Variants in B3GALNT1 observed in about 807,000 individuals in gnomAD.
B3GALNT1 encodes the protein UDP-GalNAc:beta-1,3-N-acetylgalactosaminyltransferase 1.
B3GALNT1 carries 17 observed loss-of-function variants against 27.3 expected under a neutral mutation model. That is an observed-to-expected ratio of 0.62 (90% CI 0.43 to 0.94). B3GALNT1 has a LOEUF of 0.94. Ranked by LOEUF, B3GALNT1 falls within the 40% of genes least tolerant of loss-of-function variation. The pLI, the probability that B3GALNT1 is intolerant of heterozygous loss-of-function variation, is 0.00. For missense variants in B3GALNT1, 347 were observed against 390.0 expected (o/e 0.89, Z 0.93); for synonymous variants, 141 against 144.0 (o/e 0.98, Z 0.15).
At chr3:161,097,859 T>C (rs1461097766) in intron 4 of B3GALNT1, among the ~76,000 whole-genome samples, 1 of 152,236 alleles carries the variant, frequency 6.6e-6, no homozygotes, top group Non-Finnish European at 1.5e-5. Flanking sequence ...TGATATGGTT[T>C]ACATTTTTCT....
rs1310236925 is a variant in B3GALNT1 at position 161,103,469 on chromosome 3, T to A, written c.-172A>T. ...AAATTAAAGCTTAAGTTTTTTGTTG[T>A]TTTCTGTATTCCATGCTTAATTAAA... On this transcript the variant is annotated 5_prime_UTR_variant, in exon 3 of 5. Transcript: ENST00000320474. 4 of 1,284,556 alleles carry A rather than the reference T, an allele frequency of 3.1e-6. No homozygotes were observed. Among genetic ancestry groups the A allele is most frequent in the Non-Finnish European group, 4.1e-6 (4 of 984,698 alleles). 79.6% of individuals were successfully genotyped at this position (1,284,556 alleles called of 1,614,324 possible). A position where few individuals can be genotyped will look rare whatever the true frequency, so the allele number is the denominator to read the frequency against.
In B3GALNT1 at chr3:161,099,759, G is replaced by A. The variant is rs191920013; in HGVS notation, c.-35+1380C>T. Among the ~76,000 whole-genome samples, 22 of 152,214 alleles carry A rather than the reference G, an allele frequency of 1.4e-4. No homozygotes were observed. The East Asian group carries it at 1.7e-3, about 12-fold the overall frequency. ...CCCAAGTACTTGTGAATGAATGGCA[G>A]TGCTAACAGAAACTCTACAAGTGAA... On this transcript the variant is annotated intron_variant, in intron 4 of 4. Transcript: ENST00000320474.
At chr3:161,104,214 G>T in intron 2 of B3GALNT1, 105 bp downstream of exon 2, 1 of 819,322 alleles carries the variant, frequency 1.2e-6, no homozygotes, top group Non-Finnish European at 1.7e-6. Context: ...ATCGACACAT[G>T]CATACTAAGA....
rs1720652598 is a variant in B3GALNT1 at position 161,084,151 on chromosome 3, C to CA, written c.*1607dup. The CA allele has an allele frequency of 6.6e-6, 1 of 152,148 alleles. No individual in the cohort carries two copies. Among genetic ancestry groups the CA allele is most frequent in the African/African-American group, 2.4e-5 (1 of 41,440 alleles). 9.4% of individuals were successfully genotyped at this position (152,148 alleles called of 1,614,324 possible). A position where few individuals can be genotyped will look rare whatever the true frequency, so the allele number is the denominator to read the frequency against. The stretch of plus-strand genomic sequence containing the variant: ...TGCAGTACATAACTGTAATCTTCTG[C>CA]AAAACCAGTCAAATCTAACCATGCC... On this transcript the variant is annotated 3_prime_UTR_variant, in exon 5 of 5. Transcript: ENST00000320474.
intron 3 of B3GALNT1, among the ~76,000 whole-genome samples, chr3:161,102,686 T>A (rs1732013916): frequency 6.6e-6 from 1 of 152,246 alleles, no homozygotes; most frequent in Non-Finnish European, 1.5e-5. Flanking sequence ...GAGTATCCTG[T>A]TTGATCCCAC....
intron 4 of B3GALNT1, among the ~76,000 whole-genome samples, chr3:161,100,154 G>A (rs1160469038): frequency 3.9e-5 from 6 of 152,154 alleles, no homozygotes; most frequent in Admixed American, 1.3e-4. Flanking sequence ...AACAAACGTC[G>A]AAGGTCCCTT....
chr3:161,104,449 A>G, intron 1 of B3GALNT1, 43 bp from the exon 2 acceptor site: 1 of 942,818 alleles, frequency 1.1e-6, no homozygotes, highest in Non-Finnish European at 1.5e-6. Context: ...AAGCCCTGCA[A>G]ATCTCCCTCC....
intron 4 of B3GALNT1, among the ~76,000 whole-genome samples, chr3:161,100,647 C>A (rs965713234): frequency 6.6e-6 from 1 of 152,102 alleles, no homozygotes; most frequent in Non-Finnish European, 1.5e-5. Flanking sequence ...TTGTGGCATG[C>A]AGAATCTTTT....
chr3:161,091,846 G>A (rs2108289993), intron 4 of B3GALNT1, among the ~76,000 whole-genome samples: 1 of 152,256 alleles, frequency 6.6e-6, no homozygotes, highest in Non-Finnish European at 1.5e-5. Flanking sequence ...GACAGAATAA[G>A]AAAACTGTCA....
rs1027272900 is a variant in B3GALNT1, at chr3:161,084,714, T to G, written c.*1045A>C. On this transcript the variant is annotated 3_prime_UTR_variant, in exon 5 of 5. Coordinates refer to ENST00000320474, the MANE Select transcript of B3GALNT1 (RefSeq NM_003781.4). ...CATAACAGCAGCAGCTCAAACTGAT[T>G]GTTAAAAGGAAAAAACACAGGGCAG... 2.6e-5 allele frequency: 4 copies of G among 152,168 alleles called. No individual in the cohort carries two copies. The highest frequency in any genetic ancestry group is 9.7e-5 in the African/African-American group (4 of 41,442). 9.4% of individuals were successfully genotyped at this position (152,168 alleles called of 1,614,324 possible).
chr3:161,104,979 C>G (rs568613322), intron 1 of B3GALNT1: 1 of 152,526 alleles, frequency 6.6e-6, no homozygotes, highest in Admixed American at 6.5e-5. Flanking sequence ...CACTGCCCCA[C>G]TGGGCCCCTT....
Position 161,084,663 on chromosome 3 carries a change from T to C in B3GALNT1, c.*1096A>G, listed in dbSNP as rs1447123561. ...TTAAATCGGATTTGACTTTACATAT[T>C]AGGGCTTTCATCTTGATGAGAAACT... On this transcript the variant is annotated 3_prime_UTR_variant, in exon 5 of 5. Coordinates refer to ENST00000320474, the MANE Select transcript of B3GALNT1 (RefSeq NM_003781.4). 6.6e-6 allele frequency: 1 copy of C among 152,206 alleles called. No homozygotes were observed. Among genetic ancestry groups the C allele is most frequent in the Non-Finnish European group, 1.5e-5 (1 of 68,018 alleles). 9.4% of individuals were successfully genotyped at this position (152,206 alleles called of 1,614,324 possible).
chr3:161,097,305 T>C (rs898613217), intron 4 of B3GALNT1, among the ~76,000 whole-genome samples: 14 of 152,180 alleles, frequency 9.2e-5, no homozygotes, highest in African/African-American at 3.1e-4. Flanking sequence ...AAGGGCTAAG[T>C]AGATGGTATT....
In B3GALNT1 at chr3:161,105,260, T is replaced by A. The variant is rs185149775; in HGVS notation, c.-334A>T. 6.6e-6 allele frequency: 1 copy of A among 152,096 alleles called. No individual in the cohort carries two copies. Among genetic ancestry groups the A allele is most frequent in the Non-Finnish European group, 1.5e-5 (1 of 68,034 alleles). 9.4% of individuals were successfully genotyped at this position (152,096 alleles called of 1,614,324 possible). On this transcript the variant is annotated 5_prime_UTR_variant, in exon 1 of 5. Coordinates refer to ENST00000320474, the MANE Select transcript of B3GALNT1 (RefSeq NM_003781.4). ...CTCCTGTGCTCGGCGCGCACCCAGC[T>A]CGGAAGCGGGAAGGTGGCCGGCGTT...
At chr3:161,096,537 C>T (rs1434257221) in intron 4 of B3GALNT1, among the ~76,000 whole-genome samples, 1 of 152,196 alleles carries the variant, frequency 6.6e-6, no homozygotes, top group Non-Finnish European at 1.5e-5. Flanking sequence ...ATCATCATTA[C>T]ACCAATCATG....
At position 161,103,443 on chromosome 3, in the gene B3GALNT1, G is replaced by T; in HGVS notation, c.-146C>A. ...TGAACTTACCTGTGGAATTCCAGAT[G>T]AAATTAAAGCTTAAGTTTTTTGTTG... On this transcript the variant is annotated 5_prime_UTR_variant, in exon 3 of 5. Coordinates refer to ENST00000320474, the MANE Select transcript of B3GALNT1 (RefSeq NM_003781.4). 14 of 1,268,872 alleles carry T rather than the reference G, an allele frequency of 1.1e-5. No homozygotes were observed. Among genetic ancestry groups the T allele is most frequent in the Non-Finnish European group, 1.4e-5 (14 of 970,744 alleles). The allele number at this position is 1,268,872 out of a possible 1,614,324, so 78.6% of individuals were successfully genotyped here. A position where few individuals can be genotyped will look rare whatever the true frequency, so the allele number is the denominator to read the frequency against.
intron 4 of B3GALNT1, among the ~76,000 whole-genome samples, chr3:161,097,117 T>C (rs1728605882): frequency 6.6e-6 from 1 of 152,232 alleles, no homozygotes; most frequent in Non-Finnish European, 1.5e-5. Flanking sequence ...ACAGGTGGCT[T>C]GTGGACATAC....
intron 3 of B3GALNT1, chr3:161,103,188 C>T (rs1732334334): frequency 4.9e-6 from 1 of 205,866 alleles, no homozygotes; most frequent in African/African-American, 2.4e-5. Context: ...GCCTGGGAAA[C>T]ATAAAGTGGC....
chr3:161,092,638 A>G (rs1057438317), intron 4 of B3GALNT1, among the ~76,000 whole-genome samples: 3 of 152,186 alleles, frequency 2.0e-5, no homozygotes, highest in Non-Finnish European at 4.4e-5. Flanking sequence ...ATTAAAACAA[A>G]CAGGAAAAAA....
Sources: allele counts gnomAD v4.1 joint callset (sites outside exome capture counted in the v4.1 genomes callset), GRCh38; gene constraint gnomAD v4.1.1; transcripts MANE v1.5; gene names NCBI Gene and HGNC (gene_info 2026-07-23, HGNC 2026-07-21).